SLC38A6: variants seen among roughly 807,000 people sequenced by gnomAD.
The protein encoded by SLC38A6 is N system amino acid transporter NAT-1.
A neutral mutation model predicts 65.0 loss-of-function variants in SLC38A6; 73 were observed. That is an observed-to-expected ratio of 1.12 (90% CI 0.93 to 1.37). SLC38A6 has a LOEUF of 1.37. Among genes scored for constraint, SLC38A6 ranks in the 40% most tolerant of loss-of-function variants. The pLI is 0.00. For synonymous variants in SLC38A6, 183 were observed against 178.8 expected, an observed-to-expected ratio of 1.02 and a Z score of -0.19; for missense variants, 561 against 531.1, an observed-to-expected ratio of 1.06 and a Z score of -0.55.
At chr14:61,070,668 T>G (rs2043198445) in intron 15 of SLC38A6, among the ~76,000 whole-genome samples, 1 of 152,238 alleles carries the variant, frequency 6.6e-6, no homozygotes, top group Admixed American at 6.5e-5. Context: ...TATTTTATGT[T>G]TCTATCAGCA....
intron 8 of SLC38A6, among the ~76,000 whole-genome samples, chr14:61,040,043 G>A (rs1016801083): frequency 1.9e-4 from 28 of 151,270 alleles, no homozygotes; most frequent in Admixed American, 7.9e-4. Context: ...ACCTTTTTTT[G>A]GTAAATTTAC....
chr14:61,037,258 A>G (rs2041457250), intron 7 of SLC38A6, 117 bp downstream of exon 7: 1 of 722,042 alleles, frequency 1.4e-6, no homozygotes, highest in Non-Finnish European at 2.2e-6. Context: ...TGGCAGAAGG[A>G]TGGTGGTTGT....
At chr14:61,040,877 A>G (rs2041764644) in intron 8 of SLC38A6, among the ~76,000 whole-genome samples, 1 of 152,222 alleles carries the variant, frequency 6.6e-6, no homozygotes, top group Non-Finnish European at 1.5e-5. Context: ...TAACCTGGAC[A>G]CTAGTCTTAA....
chr14:61,027,332 T>C (rs564138853), intron 5 of SLC38A6, among the ~76,000 whole-genome samples: 1 of 152,198 alleles, frequency 6.6e-6, no homozygotes, highest in East Asian at 1.9e-4. Flanking sequence ...CTTAACTATA[T>C]GCATGGCTCT....
intron 7 of SLC38A6, 37 bp from the exon 8 acceptor site, chr14:61,037,588 C>T (rs2041484925): frequency 2.1e-6 from 3 of 1,457,644 alleles, no homozygotes; most frequent in South Asian, 2.4e-5. Context: ...AATCGCTTTC[C>T]TTATAAATTG....
chr14:61,039,433 C>T (rs756028746), intron 8 of SLC38A6, among the ~76,000 whole-genome samples: 7 of 151,824 alleles, frequency 4.6e-5, no homozygotes, highest in Non-Finnish European at 7.4e-5. Context: ...TGCAGTGGCA[C>T]GATCTCAGTT....
Position 60,982,606 on chromosome 14 carries a change from T to A in SLC38A6, c.204T>A (p.Tyr68Ter). The A allele has an allele frequency of 6.2e-7, 1 of 1,613,930 alleles. No homozygotes were observed. Among genetic ancestry groups the A allele is most frequent in the Non-Finnish European group, 8.5e-7 (1 of 1,179,992 alleles). ...GAAGTGGCATCCTTGGCTTAGCTTA[T>A]GTTTTGGCTAATACCGGTGTCTTTG... ...IMGSGILGLA[Y>*]VLANTGVFGF... is the part of the protein sequence containing the mutation. Residue 68 changes from tyrosine (Y) to a stop codon, truncating the protein, a stop_gained, in exon 2 of 16, where the codon TAT becomes TAA. Coordinates refer to ENST00000267488, the MANE Select transcript of SLC38A6 (RefSeq NM_153811.3). LOFTEE classifies it high-confidence loss of function.
chr14:61,050,601 G>A lies in SLC38A6; in HGVS notation c.1015G>A (p.Ala339Thr). The A allele has an allele frequency of 6.3e-7, 1 of 1,597,716 alleles. No individual in the cohort carries two copies. The highest frequency in any genetic ancestry group is 1.7e-5 in the Admixed American group (1 of 59,614). ...GACTGTGAAGTTATGCATACTATTTGCTGTGCTTTTGACAGTCCCTCTAAT... is the reference window on the plus strand; with the variant it reads ...GACTGTGAAGTTATGCATACTATTTACTGTGCTTTTGACAGTCCCTCTAAT... ...VMTVKLCILF[A>T]VLLTVPLIHF... is the part of the protein sequence containing the mutation. Residue 339 changes from alanine to threonine, a missense_variant, in exon 13 of 16, where the codon GCT becomes ACT. Coordinates refer to ENST00000267488, the MANE Select transcript of SLC38A6 (RefSeq NM_153811.3).
downstream of SLC38A6, among the ~76,000 whole-genome samples, chr14:61,053,575 C>T (rs1004137343): frequency 2.0e-5 from 3 of 152,070 alleles, no homozygotes; most frequent in Non-Finnish European, 4.4e-5. Flanking sequence ...TATTAATAGC[C>T]ATTCTGACTG....
intron 3 of SLC38A6, among the ~76,000 whole-genome samples, chr14:60,987,910 C>T (rs1221839487): frequency 6.6e-6 from 1 of 152,140 alleles, no homozygotes; most frequent in Non-Finnish European, 1.5e-5. Context: ...TGACATTATA[C>T]CATCTATCTC....
In SLC38A6 at chr14:60,981,298, C is replaced by G. The variant is rs1002546569; in HGVS notation, c.21C>G (p.Ser7Arg). MEASWG[S>R]FNAERGWYVS... ...GCAGCATGGAGGCGTCCTGGGGGAGCTTCAACGCTGAGCGGGGCTGGTATG... is the reference window on the plus strand; with the variant it reads ...GCAGCATGGAGGCGTCCTGGGGGAGGTTCAACGCTGAGCGGGGCTGGTATG... The change falls in exon 1 of 16, where the codon AGC (serine) becomes AGG (arginine). Residue 7 changes from serine to arginine, a missense_variant. By Grantham distance (110) the Ser-to-Arg change is moderately radical. Transcript: ENST00000267488. 2 of 1,608,540 alleles carry G rather than the reference C, an allele frequency of 1.2e-6. No homozygotes were observed. Among genetic ancestry groups the G allele is most frequent in the South Asian group, 1.1e-5 (1 of 89,530 alleles).
At chr14:61,047,278 A>T (rs1358557220) in intron 12 of SLC38A6, among the ~76,000 whole-genome samples, 2 of 152,206 alleles carry the variant, frequency 1.3e-5, no homozygotes, top group African/African-American at 2.4e-5. Context: ...AATCACCATT[A>T]GGTGCTTAGA....
intron 15 of SLC38A6, among the ~76,000 whole-genome samples, chr14:61,071,315 T>C (rs1430166094): frequency 2.6e-5 from 4 of 152,188 alleles, no homozygotes; most frequent in Non-Finnish European, 5.9e-5. Flanking sequence ...TTTCTATCCA[T>C]TTAACTGGAA....
intron 3 of SLC38A6, among the ~76,000 whole-genome samples, chr14:61,003,670 AT>A (rs2038868112): frequency 6.6e-6 from 1 of 152,164 alleles, no homozygotes; most frequent in Admixed American, 6.6e-5. Context: ...GATGCTGCAG[AT>A]TTTTTGTTGT....
intron 3 of SLC38A6, among the ~76,000 whole-genome samples, chr14:61,004,006 G>A (rs11622763): frequency 4.7e-4 from 72 of 152,186 alleles, no homozygotes; most frequent in Admixed American, 1.5e-3. Flanking sequence ...TAGACCCAGG[G>A]AGCAAGTTTG....
intron 12 of SLC38A6, chr14:61,048,311 A>G (rs2042286641): frequency 2.9e-6 from 1 of 348,536 alleles, no homozygotes; most frequent in Non-Finnish European, 5.6e-6. Flanking sequence ...GGTTTCCTGA[A>G]TACTAATCCA....
At chr14:61,078,829 G>C (rs1232616960) in exon 16 of SLC38A6, 1 of 213,548 alleles carries the variant, frequency 4.7e-6, no homozygotes, top group Non-Finnish European at 9.2e-6. Context: ...CTGTCGCACA[G>C]GTTGGCGTGC....
chr14:61,044,433 T>C (rs79745522), intron 10 of SLC38A6, among the ~76,000 whole-genome samples: 3,202 of 152,300 alleles, frequency 0.021, 118 homozygotes, highest in African/African-American at 0.073. Context: ...CTGAGCAATA[T>C]ATGAAATGGA....
chr14:61,035,221 C>G (rs2041270624), intron 6 of SLC38A6, among the ~76,000 whole-genome samples: 1 of 152,082 alleles, frequency 6.6e-6, no homozygotes, highest in East Asian at 1.9e-4. Context: ...TATCTGACAG[C>G]TACGATAAAG....
Sources: gnomAD v4.1 joint callset for allele counts (sites outside exome capture counted in the v4.1 genomes callset) on GRCh38, gnomAD v4.1.1 for gene constraint, MANE v1.5 for transcripts, NCBI Gene and HGNC (gene_info 2026-07-23, HGNC 2026-07-21) for gene names.